RYR1: variants seen among roughly 807,000 people sequenced by gnomAD.
RYR1 encodes ryanodine receptor 1.
Under a neutral mutation model 583.5 loss-of-function variants are expected in RYR1, and 342 were observed. The ratio of observed to expected loss-of-function variants is 0.59; its 90% CI spans 0.54 to 0.64. RYR1 has a LOEUF of 0.64. RYR1 is among the 30% of genes least tolerant of loss of function. The pLI is 0.00. For synonymous variants in RYR1, 2,791 were observed against 2,822.5 expected (o/e 0.99, Z 0.35); for missense variants, 6,032 against 6,917.2 (o/e 0.87, Z 4.54).
Position 38,564,941 on chromosome 19 carries a change from T to G in RYR1, c.12625-18T>G, listed in dbSNP as rs1399904503. 3 of 1,564,608 alleles carry G rather than the reference T, an allele frequency of 1.9e-6. No individual in the cohort carries two copies. Among genetic ancestry groups the G allele is most frequent in the Non-Finnish European group, 2.6e-6 (3 of 1,156,280 alleles). On this transcript the variant is annotated intron_variant, in intron 90 of 105. Coordinates refer to ENST00000359596, the MANE Select transcript of RYR1 (RefSeq NM_000540.3). The stretch of plus-strand genomic sequence containing the variant: ...CCCGCTGACGGCGCCCTATCCTGTC[T>G]GCCGCCCCTCGCTTCAGGTGAAGGA...
chr19:38,517,643 G>T lies in RYR1; in HGVS notation c.9970G>T (p.Val3324Phe), dbSNP rs761241693. The change falls in exon 66 of 106, where the codon GTC becomes TTC. Residue 3324 changes from valine to phenylalanine, a missense_variant. Physicochemically the swap from Val to Phe is conservative, Grantham distance 50. This residue lies in a region of RYR1 where 1,493 missense variants were observed against 1,715.5 expected (regional missense o/e 0.87). Coordinates refer to ENST00000359596, the MANE Select transcript of RYR1 (RefSeq NM_000540.3). ...GCTGGGGAATATCCTGAGAATCATC[G>T]TCAACAACCTGGGCATTGACGAGGC... Reference protein sequence around the residue: ...SLLGNILRIIVNNLGIDEASW... With the variant: ...SLLGNILRIIFNNLGIDEASW... 6.2e-7 allele frequency: 1 copy of T among 1,614,122 alleles called. No individual in the cohort carries two copies. The highest frequency in any genetic ancestry group is 8.5e-7 in the Non-Finnish European group (1 of 1,180,022).
intron 93 of RYR1, 45 bp downstream of exon 93, chr19:38,567,962 C>T (rs990617127): frequency 6.2e-7 from 1 of 1,606,536 alleles, no homozygotes; most frequent in Non-Finnish European, 8.5e-7. Flanking sequence ...TCCCCGGGAG[C>T]CCCACCTCTG....
intron 97 of RYR1, among the ~76,000 whole-genome samples, chr19:38,577,584 G>A (rs1331662667): frequency 1.3e-5 from 2 of 151,982 alleles, no homozygotes; most frequent in Non-Finnish European, 2.9e-5. Flanking sequence ...ATCACTTGAG[G>A]TTAGGAGTTC....
At chr19:38,524,267 G>C (rs111335424) in intron 70 of RYR1, among the ~76,000 whole-genome samples, 6,212 of 151,158 alleles carry the variant, frequency 0.041, 197 homozygotes, top group Middle Eastern at 0.062. Context: ...GGTAATGGGG[G>C]TGGGAGAGGC....
rs750484706 is a variant in RYR1 at position 38,485,849 on chromosome 19, G to C, written c.5194G>C (p.Glu1732Gln). 6.2e-7 allele frequency: 1 copy of C among 1,613,762 alleles called. No homozygotes were observed. Among genetic ancestry groups the C allele is most frequent in the South Asian group, 1.1e-5 (1 of 91,088 alleles). Residue 1732 changes from glutamate (E) to glutamine (Q), a missense_variant, in exon 34 of 106, where the codon GAA becomes CAA. Around this residue, in one of 11 missense-constraint regions of RYR1, gnomAD observed 2,627 missense variants for 2,961.3 expected, o/e 0.89. Transcript: ENST00000359596. ...CCGCAGCCGCCGCTCCATGCTCTCT[G>C]AATACATCGTGCCCCTCACGCCTGA... ...ACRSRRSMLSEYIVPLTPETR... is the reference protein window; with the variant it reads ...ACRSRRSMLSQYIVPLTPETR...
At chr19:38,528,572 C>T (rs143048087) in intron 74 of RYR1, 27 bp from the exon 75 acceptor site, 4 of 1,612,662 alleles carry the variant, frequency 2.5e-6, no homozygotes, top group African/African-American at 1.3e-5. Flanking sequence ...GGGCGCGTCC[C>T]AGTGACGTCA....
rs556268893 is a variant in RYR1 at position 38,491,412 on chromosome 19, T to C, written c.6127+680T>C. On this transcript the variant is annotated intron_variant, in intron 37 of 105. Transcript: ENST00000359596. ...TACACTTGATGGCATCCCACAGGTC[T>C]CTGAGGATTTCTTTCATTTTGCTTT... 4.6e-5 allele frequency among the ~76,000 whole-genome samples: 7 copies of C among 151,612 alleles called. No individual in the cohort carries two copies. In the South Asian group the frequency reaches 1.0e-3, roughly 22 times the overall value.
intron 11 of RYR1, among the ~76,000 whole-genome samples, chr19:38,451,560 C>G (rs1380167550): frequency 1.3e-5 from 2 of 151,842 alleles, no homozygotes; most frequent in Non-Finnish European, 2.9e-5. Context: ...AAAACAGGGA[C>G]AGAGAGAGAC....
intron 92 of RYR1, 96 bp from the exon 93 acceptor site, chr19:38,567,677 G>A (rs1359513535): frequency 6.3e-7 from 1 of 1,592,966 alleles, no homozygotes; most frequent in African/African-American, 1.3e-5. Context: ...ACCTGGGCCA[G>A]GCACAGGGCG....
intron 2 of RYR1, among the ~76,000 whole-genome samples, chr19:38,441,921 G>T (rs1012473109): frequency 6.6e-6 from 1 of 151,906 alleles, no homozygotes; most frequent in Non-Finnish European, 1.5e-5. Context: ...GTGGAGGCAG[G>T]AGGTGGGGCT....
At position 38,504,103 on chromosome 19, in the gene RYR1, C is replaced by A. The variant is rs1283395319; in HGVS notation, c.7927-117C>A. 7.9e-6 allele frequency: 9 copies of A among 1,133,944 alleles called. No individual in the cohort carries two copies. In the South Asian group the frequency reaches 8.2e-5, roughly 10 times the overall value. 70.2% of individuals were successfully genotyped at this position (1,133,944 alleles called of 1,614,324 possible). A position where few individuals can be genotyped will look rare whatever the true frequency, so the allele number is the denominator to read the frequency against. On this transcript the variant is annotated intron_variant, in intron 49 of 105. Coordinates refer to ENST00000359596, the MANE Select transcript of RYR1 (RefSeq NM_000540.3). ...CTTATTAGCATATCATTTGCATAAC[C>A]CACACCTCCTTCATAATTTAAAAGC... is the stretch of plus-strand genomic sequence containing the variant.
intron 39 of RYR1, 127 bp downstream of exon 39, chr19:38,494,752 A>G (rs1969730370): frequency 1.4e-5 from 17 of 1,175,778 alleles, no homozygotes; most frequent in Non-Finnish European, 2.1e-5. Flanking sequence ...CTCGATGGCT[A>G]GCTCACCTCC....
rs142799462 is a variant in RYR1 at position 38,527,806 on chromosome 19, T to G, written c.10824+22T>G. 1,488 of 1,613,290 alleles carry G rather than the reference T, an allele frequency of 9.2e-4. 1 individual carries two copies. The highest frequency in any genetic ancestry group is 1.1e-3 in the Non-Finnish European group (1,266 of 1,179,622). On this transcript the variant is annotated intron_variant, in intron 73 of 105. Transcript: ENST00000359596. ...CCAGGTGGGTGGGGCCGGAGGGGTC[T>G]TTCTACTGGGTCTCTGGGCGGAGCC...
intron 26 of RYR1, 61 bp downstream of exon 26, chr19:38,469,201 C>T (rs564671964): frequency 6.2e-7 from 1 of 1,608,710 alleles, no homozygotes; most frequent in Non-Finnish European, 8.5e-7. Flanking sequence ...CCCAACCCTG[C>T]ACTGCCCTTC....
chr19:38,564,453 G>A (rs1390627153), intron 90 of RYR1, among the ~76,000 whole-genome samples: 3 of 152,162 alleles, frequency 2.0e-5, no homozygotes, highest in African/African-American at 7.2e-5. Flanking sequence ...TGAACCCTGG[G>A]GACGAAGGTT....
In RYR1 at chr19:38,506,560, T is replaced by G; in HGVS notation, c.8692+14T>G. 6.2e-6 allele frequency: 10 copies of G among 1,613,558 alleles called. No homozygotes were observed. Among genetic ancestry groups the G allele is most frequent in the Non-Finnish European group, 8.5e-6 (10 of 1,179,684 alleles). ...TGGAAGCCAAAGGTGAGGGCGCCCA[T>G]GCCGCCCCCACGCTACCCCCGTGGA... On this transcript the variant is annotated intron_variant, in intron 56 of 105. Coordinates refer to ENST00000359596, the MANE Select transcript of RYR1 (RefSeq NM_000540.3).
At chr19:38,535,500 G>A in intron 81 of RYR1, 108 bp downstream of exon 81, 1 of 865,942 alleles carries the variant, frequency 1.2e-6, no homozygotes. Context: ...CAGGGAAAGA[G>A]ACTCACTCAG....
intron 1 of RYR1, among the ~76,000 whole-genome samples, chr19:38,435,007 C>T (rs1337682081): frequency 1.3e-5 from 2 of 152,190 alleles, no homozygotes; most frequent in African/African-American, 4.8e-5. Context: ...AGACTCTCTC[C>T]CCAGCCCCAG....
chr19:38,492,650 T>C lies in RYR1; in HGVS notation c.6274+14T>C. 8.1e-7 allele frequency: 1 copy of C among 1,231,656 alleles called. No individual in the cohort carries two copies. The highest frequency in any genetic ancestry group is 1.2e-6 in the Non-Finnish European group (1 of 858,996). The allele number at this position is 1,231,656 out of a possible 1,614,324, so 76.3% of individuals were successfully genotyped here. A position where few individuals can be genotyped will look rare whatever the true frequency, so the allele number is the denominator to read the frequency against. ...AGAGCAAACCCCGTGAGGACTGGGGTCACTGGGGAGAGGGCAGGGGTGGGG... is the reference window on the plus strand; with the variant it reads ...AGAGCAAACCCCGTGAGGACTGGGGCCACTGGGGAGAGGGCAGGGGTGGGG... On this transcript the variant is annotated intron_variant, in intron 38 of 105. Transcript: ENST00000359596.
Sources: gnomAD v4.1 joint callset for allele counts (sites outside exome capture counted in the v4.1 genomes callset) on GRCh38, gnomAD v4.1.1 for gene constraint, gnomAD v4.1.1 regional missense constraint, MANE v1.5 for transcripts, NCBI Gene and HGNC (gene_info 2026-07-23, HGNC 2026-07-21) for gene names.